The following CTBP1 variants were observed in gnomAD, a reference collection of about 807,000 sequenced individuals.
CTBP1 encodes the protein C-terminal-binding protein 1.
In CTBP1, 11 loss-of-function variants were observed where a neutral mutation model predicts 42.1. The ratio of observed to expected loss-of-function variants is 0.26; its 90% CI spans 0.16 to 0.43. The LOEUF (loss-of-function observed/expected upper bound fraction) is 0.43, where lower values mean the gene tolerates loss of function less well. Ranked by LOEUF, CTBP1 falls within the 20% of genes least tolerant of loss-of-function variation. CTBP1 has a pLI of 1.00. For synonymous variants in CTBP1, 324 were observed against 277.1 expected (o/e 1.17, Z -1.68); for missense variants, 399 against 624.3 (o/e 0.64, Z 3.85).
chr4:1,214,507 G>C (rs767355879), intron 6 of CTBP1, 34 bp from the exon 7 acceptor site: 1 of 1,546,468 alleles, frequency 6.5e-7, no homozygotes, highest in African/African-American at 1.4e-5. Context: ...GGCCCAGTCA[G>C]GGATCCGCAC....
intron 3 of CTBP1, chr4:1,236,139 TC>T (rs1465638814): frequency 6.4e-6 from 1 of 155,480 alleles, no homozygotes; most frequent in Non-Finnish European, 1.4e-5. Flanking sequence ...GCCCGCCCGT[TC>T]CTGCAGGTTA....
intron 3 of CTBP1, among the ~76,000 whole-genome samples, chr4:1,229,033 C>T (rs560716530): frequency 4.2e-4 from 64 of 152,322 alleles, no homozygotes; most frequent in Middle Eastern, 3.4e-3. Context: ...TAGACCGGAA[C>T]AGCTCCCGCG....
chr4:1,243,199 C>T, intron 1 of CTBP1: 14 of 985,412 alleles, frequency 1.4e-5, no homozygotes, highest in Non-Finnish European at 1.7e-5. Context: ...TCATCGATAC[C>T]CATCAATGCT....
intron 3 of CTBP1, among the ~76,000 whole-genome samples, chr4:1,228,577 G>A (rs1006827135): frequency 2.0e-5 from 3 of 152,216 alleles, no homozygotes; most frequent in African/African-American, 4.8e-5. Flanking sequence ...CTCCTCAGCC[G>A]CATGTAGGCT....
chr4:1,221,888 G>A (rs1729778226), intron 5 of CTBP1: 3 of 385,994 alleles, frequency 7.8e-6, no homozygotes, highest in South Asian at 1.8e-5. Context: ...AAGGAGGGAG[G>A]AAAGAAAGAA....
Position 1,213,595 on chromosome 4 carries a change from C to A in CTBP1, c.871G>T (p.Gly291Cys). The A allele has an allele frequency of 3.1e-6, 5 of 1,613,010 alleles. No homozygotes were observed. The highest frequency in any genetic ancestry group is 4.2e-6 in the Non-Finnish European group (5 of 1,179,854). Residue 291 changes from glycine (G) to cysteine (C), a missense_variant, in exon 8 of 10, where the codon GGC becomes TGC. Physicochemically the swap from Gly to Cys is radical, Grantham distance 159. Around this residue, in one of 4 missense-constraint regions of CTBP1, gnomAD observed 309 missense variants for 497.5 expected, o/e 0.62. Transcript: ENST00000382952. ...HESEPFSFSQ[G>C]PLKDAPNLIC... The stretch of plus-strand genomic sequence containing the variant: ...AGGTTGGGTGCATCCTTCAGAGGGC[C>A]CTGGCTAAAGCTGGGAACAGCACAG...
chr4:1,241,473 T>G lies in CTBP1; in HGVS notation c.-142A>C. On this transcript the variant is annotated 5_prime_UTR_variant, in exon 2 of 10. Transcript: ENST00000382952. Reference sequence around the variant, plus strand: ...TGTCTCGAGCCAAAGTGCTCAGGCTTCTGATCCGCGGCAATCACTGAAGCC... The same window carrying G: ...TGTCTCGAGCCAAAGTGCTCAGGCTGCTGATCCGCGGCAATCACTGAAGCC... 6.2e-7 allele frequency: 1 copy of G among 1,606,384 alleles called. No individual in the cohort carries two copies. Among genetic ancestry groups the G allele is most frequent in the South Asian group, 1.1e-5 (1 of 90,806 alleles).
intron 2 of CTBP1, among the ~76,000 whole-genome samples, chr4:1,239,703 C>T (rs551492715): frequency 5.3e-5 from 8 of 152,364 alleles, no homozygotes; most frequent in East Asian, 3.9e-4. Flanking sequence ...AAGCCGAGGG[C>T]TCCCAGTACG....
intron 1 of CTBP1, chr4:1,243,541 C>CCA: frequency 1.0e-6 from 1 of 985,408 alleles, no homozygotes; most frequent in Middle Eastern, 5.2e-4. Context: ...GTAGGTCTGC[C>CCA]CACCATCTGC....
At position 1,212,965 on chromosome 4, in the gene CTBP1, C is replaced by T. The variant is rs1423221448; in HGVS notation, c.1054G>A (p.Ala352Thr). The change falls in exon 9 of 10, where the codon GCC (alanine) becomes ACC (threonine). Residue 352 changes from alanine (A) to threonine (T), a missense_variant. Coordinates refer to ENST00000382952, the MANE Select transcript of CTBP1 (RefSeq NM_001012614.2). Reference protein sequence around the residue: ...KDHLTAATHWASMDPAVVHPE... With the variant: ...KDHLTAATHWTSMDPAVVHPE... ...TGCACGACGGCGGGGTCCATGCTGG[C>T]CCAGTGGGTGGCGGCTGTCAGATGG... The T allele has an allele frequency of 6.2e-7, 1 of 1,613,772 alleles. No individual in the cohort carries two copies. The highest frequency in any genetic ancestry group is 8.5e-7 in the Non-Finnish European group (1 of 1,180,002).
intron 5 of CTBP1, among the ~76,000 whole-genome samples, chr4:1,222,721 T>C (rs1020846415): frequency 6.6e-6 from 1 of 152,056 alleles, no homozygotes; most frequent in African/African-American, 2.4e-5. Context: ...CACGGGGCCC[T>C]GGGAGGGGCT....
At chr4:1,245,566 G>A in intron 1 of CTBP1, 1 of 984,102 alleles carries the variant, frequency 1.0e-6, no homozygotes, top group Non-Finnish European at 1.2e-6. Context: ...GGCACAGGAG[G>A]GCACGGTGAC....
At chr4:1,245,632 G>A in intron 1 of CTBP1, 1 of 983,686 alleles carries the variant, frequency 1.0e-6, no homozygotes, top group Non-Finnish European at 1.2e-6. Context: ...CGGCATAGCA[G>A]AGTGGCATGG....
At chr4:1,245,520 G>C in intron 1 of CTBP1, 2 of 985,326 alleles carry the variant, frequency 2.0e-6, no homozygotes, top group Non-Finnish European at 2.4e-6. Flanking sequence ...GGCAGCCCAG[G>C]AGCCCCCACA....
intron 5 of CTBP1, among the ~76,000 whole-genome samples, chr4:1,220,945 C>G (rs1247174146): frequency 2.0e-5 from 3 of 152,182 alleles, no homozygotes; most frequent in Non-Finnish European, 4.4e-5. Flanking sequence ...AGGTATTCAC[C>G]TAAAAAACGG....
intron 1 of CTBP1, chr4:1,245,129 G>A: frequency 1.0e-6 from 1 of 985,386 alleles, no homozygotes; most frequent in Non-Finnish European, 1.2e-6. Flanking sequence ...GACAGACACT[G>A]CCCAAGTCAT....
At chr4:1,220,311 G>T (rs1207794739) in intron 5 of CTBP1, among the ~76,000 whole-genome samples, 2 of 145,626 alleles carry the variant, frequency 1.4e-5, no homozygotes, top group African/African-American at 2.5e-5. Flanking sequence ...AAGAAAAAAA[G>T]AATTAAACAT....
intron 1 of CTBP1, chr4:1,244,585 C>A (rs113358900): frequency 2.0e-6 from 2 of 985,222 alleles, no homozygotes; most frequent in African/African-American, 3.5e-5. Context: ...AAAGCTCCTC[C>A]TCACCAACCC....
intron 5 of CTBP1, chr4:1,221,963 A>G (rs1026866269): frequency 3.2e-6 from 1 of 316,100 alleles, no homozygotes; most frequent in Admixed American, 4.2e-5. Context: ...GCCGCCCCCT[A>G]GTCTGCGCCG....
Sources: gnomAD v4.1 joint callset for allele counts (sites outside exome capture counted in the v4.1 genomes callset) on GRCh38, gnomAD v4.1.1 for gene constraint, gnomAD v4.1.1 regional missense constraint, MANE v1.5 for transcripts, NCBI Gene and HGNC (gene_info 2026-07-23, HGNC 2026-07-21) for gene names.